ATP9B: variants seen among roughly 807,000 people sequenced by gnomAD.
ATP9B encodes the protein ATPase phospholipid transporting 9B, also known as probable phospholipid-transporting ATPase IIB.
ATP9B carries 110 observed loss-of-function variants against 146.1 expected under a neutral mutation model. The observed-to-expected ratio is 0.75, with a 90% CI of 0.65 to 0.88. The LOEUF (loss-of-function observed/expected upper bound fraction) is 0.88. ATP9B is among the 40% of genes least tolerant of loss of function. ATP9B has a pLI of 0.00. For synonymous variants in ATP9B, 604 were observed against 569.7 expected (o/e 1.06, Z -0.86); for missense variants, 1,499 against 1,496.4 (o/e 1.00, Z -0.03).
At chr18:79,348,328 T>C in intron 25 of ATP9B, 132 bp downstream of exon 25, 2 of 860,336 alleles carry the variant, frequency 2.3e-6, no homozygotes, top group Non-Finnish European at 1.8e-6. Context: ...ATAATACTGA[T>C]GTAAAAACAA....
At chr18:79,275,958 T>C (rs2096304073) in intron 12 of ATP9B, among the ~76,000 whole-genome samples, 1 of 152,232 alleles carries the variant, frequency 6.6e-6, no homozygotes, top group Admixed American at 6.5e-5. Context: ...ACTTCCTTCA[T>C]TGACTGTGAT....
chr18:79,189,695 A>G (rs968409924), intron 8 of ATP9B, among the ~76,000 whole-genome samples: 4 of 152,356 alleles, frequency 2.6e-5, no homozygotes, highest in African/African-American at 9.6e-5. Flanking sequence ...GCACAAGTTG[A>G]CATCACCTGT....
At chr18:79,289,558 G>A (rs1031469634) in intron 13 of ATP9B, among the ~76,000 whole-genome samples, 4 of 152,002 alleles carry the variant, frequency 2.6e-5, no homozygotes, top group Non-Finnish European at 5.9e-5. Flanking sequence ...CCTTTGGTTC[G>A]AATTTCCTCC....
chr18:79,148,492 A>G (rs1218357182), intron 6 of ATP9B, among the ~76,000 whole-genome samples: 4 of 152,250 alleles, frequency 2.6e-5, no homozygotes, highest in Admixed American at 2.0e-4. Context: ...AGAATAAAGA[A>G]AAATCACACA....
chr18:79,180,720 A>G (rs7236072), intron 8 of ATP9B, among the ~76,000 whole-genome samples: 85,460 of 151,958 alleles, frequency 0.56, 25,737 homozygotes, highest in African/African-American at 0.79. Context: ...CTTTCAACGT[A>G]TCTTGTAGTG....
chr18:79,128,727 G>C (rs1198122931), intron 5 of ATP9B, among the ~76,000 whole-genome samples: 2 of 152,206 alleles, frequency 1.3e-5, no homozygotes, highest in African/African-American at 2.4e-5. Flanking sequence ...GAAATAACTA[G>C]AGTGGTGATG....
chr18:79,302,762 C>T (rs1333877238), intron 13 of ATP9B, among the ~76,000 whole-genome samples: 3 of 152,204 alleles, frequency 2.0e-5, no homozygotes, highest in African/African-American at 7.2e-5. Flanking sequence ...CACAGACCTC[C>T]TGTCTGTCAT....
intron 12 of ATP9B, among the ~76,000 whole-genome samples, chr18:79,258,655 C>T (rs1361496715): frequency 1.3e-5 from 2 of 152,186 alleles, no homozygotes; most frequent in Admixed American, 6.5e-5. Flanking sequence ...CTGCGGGTCT[C>T]TCTTGCTCTA....
intron 9 of ATP9B, among the ~76,000 whole-genome samples, chr18:79,195,814 TAATC>T (rs1189757985): frequency 6.6e-6 from 1 of 152,124 alleles, no homozygotes; most frequent in Non-Finnish European, 1.5e-5. Flanking sequence ...GGAAACGAGA[TAATC>T]AAAGAGGTGA....
chr18:79,246,866 C>T (rs1406247543), intron 11 of ATP9B, among the ~76,000 whole-genome samples: 1 of 152,186 alleles, frequency 6.6e-6, no homozygotes, highest in African/African-American at 2.4e-5. Context: ...TCCTCCTCCT[C>T]CTGATTTTCA....
chr18:79,334,853 G>T (rs565764868), intron 17 of ATP9B, among the ~76,000 whole-genome samples: 2 of 124,812 alleles, frequency 1.6e-5, no homozygotes. Context: ...CGCCCACACC[G>T]CCTTGTTCCA....
At chr18:79,091,818 A>G (rs1330578594) in intron 1 of ATP9B, among the ~76,000 whole-genome samples, 1 of 152,218 alleles carries the variant, frequency 6.6e-6, no homozygotes, top group African/African-American at 2.4e-5. Flanking sequence ...TATGTCGAGT[A>G]ACAGTGGTGA....
chr18:79,121,400 G>T (rs1296988136), intron 4 of ATP9B, among the ~76,000 whole-genome samples: 1 of 152,146 alleles, frequency 6.6e-6, no homozygotes, highest in Non-Finnish European at 1.5e-5. Context: ...AGGGAGCAGT[G>T]TTATAGCATA....
chr18:79,070,242 C>T (rs2071568005), intron 1 of ATP9B, among the ~76,000 whole-genome samples: 1 of 152,088 alleles, frequency 6.6e-6, no homozygotes, highest in African/African-American at 2.4e-5. Context: ...AGTTTTATTC[C>T]AGAGGAATTG....
chr18:79,294,360 A>G (rs561163665), intron 13 of ATP9B, among the ~76,000 whole-genome samples: 1 of 152,218 alleles, frequency 6.6e-6, no homozygotes, highest in South Asian at 2.1e-4. Flanking sequence ...GCGGCCAGAC[A>G]CCCTGCTTCC....
intron 4 of ATP9B, among the ~76,000 whole-genome samples, chr18:79,119,446 CCT>C (rs1307908424): frequency 6.6e-6 from 1 of 152,118 alleles, no homozygotes; most frequent in African/African-American, 2.4e-5. Flanking sequence ...GAATTTTCAT[CCT>C]CTGTTATTTT....
chr18:79,350,662 A>ATAGTACTTC (rs1206124928), intron 25 of ATP9B, among the ~76,000 whole-genome samples: 1 of 152,210 alleles, frequency 6.6e-6, no homozygotes, highest in African/African-American at 2.4e-5. Context: ...AGTGTTTCCT[A>ATAGTACTTC]TAGTACTTCA....
intron 11 of ATP9B, among the ~76,000 whole-genome samples, chr18:79,252,988 G>A (rs1481454902): frequency 1.3e-5 from 2 of 152,208 alleles, no homozygotes; most frequent in African/African-American, 4.8e-5. Flanking sequence ...AGACCCGCCT[G>A]CGCCCTCAGA....
chr18:79,286,092 G>T lies in ATP9B; in HGVS notation c.1411+8896G>T, dbSNP rs369182624. Among the ~76,000 whole-genome samples, 353 of 151,436 alleles carry T rather than the reference G, an allele frequency of 2.3e-3. 1 individual carries two copies. Among genetic ancestry groups the T allele is most frequent in the South Asian group, 6.1e-3 (29 of 4,740 alleles). On this transcript the variant is annotated intron_variant, in intron 13 of 29. Coordinates refer to ENST00000426216, the MANE Select transcript of ATP9B (RefSeq NM_198531.5). ...GTTCTTTTGGCTTAGGATTGACTTG[G>T]CGATGCGGGCTCTTTTTTGGTTCCA...
Sources: allele counts gnomAD v4.1 joint callset (sites outside exome capture counted in the v4.1 genomes callset), GRCh38; gene constraint gnomAD v4.1.1; transcripts MANE v1.5; gene names NCBI Gene and HGNC (gene_info 2026-07-23, HGNC 2026-07-21).